The following SCFD2 variants were observed in gnomAD, a reference collection of about 807,000 sequenced individuals.
SCFD2 encodes sec1 family domain-containing protein 2.
SCFD2 carries 54 observed loss-of-function variants against 58.9 expected under a neutral mutation model. That is an observed-to-expected ratio of 0.92 (90% confidence interval 0.74 to 1.15). SCFD2 has a LOEUF of 1.15. Among genes scored for constraint, SCFD2 ranks in the 50% most tolerant of loss-of-function variants. The pLI is 0.00. For missense variants in SCFD2, 805 were observed against 836.6 expected (o/e 0.96, Z 0.47); for synonymous variants, 321 against 335.9 (o/e 0.96, Z 0.49).
At chr4:53,296,354 G>C (rs1164619554) in intron 3 of SCFD2, among the ~76,000 whole-genome samples, 1 of 152,048 alleles carries the variant, frequency 6.6e-6, no homozygotes, top group Non-Finnish European at 1.5e-5. Context: ...CTTCTTCCTG[G>C]TTTAGTCTTG....
chr4:53,000,037 C>T (rs1054047303), intron 5 of SCFD2, among the ~76,000 whole-genome samples: 3 of 152,214 alleles, frequency 2.0e-5, no homozygotes, highest in Non-Finnish European at 2.9e-5. Context: ...AATCTTTGCA[C>T]TCCTGTCCAG....
chr4:53,187,768 A>T lies in SCFD2; in HGVS notation c.1312-42186T>A, dbSNP rs1225333769. On this transcript the variant is annotated intron_variant, in intron 4 of 8. Coordinates refer to ENST00000401642, the MANE Select transcript of SCFD2 (RefSeq NM_152540.4). ...ACAAGAAAGATCTGAAAGGAAAGAT[A>T]TCAAAATGCTAACACTGATTATCTC... Among the ~76,000 whole-genome samples the T allele has an allele frequency of 2.0e-5, 3 of 152,146 alleles. No homozygotes were observed. In the East Asian group the frequency reaches 5.8e-4, roughly 29 times the overall value.
intron 2 of SCFD2, among the ~76,000 whole-genome samples, chr4:53,327,955 C>G (rs779339006): frequency 3.9e-5 from 6 of 151,940 alleles, no homozygotes; most frequent in South Asian, 4.2e-4. Flanking sequence ...ACAGTGAAAC[C>G]CTGTCTCTAC....
chr4:53,221,741 A>G (rs2148995596), intron 4 of SCFD2, among the ~76,000 whole-genome samples: 1 of 152,362 alleles, frequency 6.6e-6, no homozygotes, highest in Middle Eastern at 3.4e-3. Flanking sequence ...ACAGGAGACA[A>G]ATTGCAAACT....
At chr4:53,333,454 C>A (rs1414063208) in intron 2 of SCFD2, among the ~76,000 whole-genome samples, 1 of 140,930 alleles carries the variant, frequency 7.1e-6, no homozygotes, top group Non-Finnish European at 1.5e-5. Context: ...CGCATATCTA[C>A]AACTATCTGA....
intron 5 of SCFD2, among the ~76,000 whole-genome samples, chr4:53,074,558 G>A (rs1212718881): frequency 6.6e-6 from 1 of 152,114 alleles, no homozygotes; most frequent in Non-Finnish European, 1.5e-5. Flanking sequence ...CTTAAAAAAT[G>A]TATTTCTTAA....
chr4:53,090,952 C>T (rs922814079), intron 5 of SCFD2, among the ~76,000 whole-genome samples: 1 of 152,138 alleles, frequency 6.6e-6, no homozygotes, highest in Non-Finnish European at 1.5e-5. Context: ...ACAGGTCTGC[C>T]TAACCACTGA....
At chr4:53,043,457 G>C (rs982190105) in intron 5 of SCFD2, among the ~76,000 whole-genome samples, 1 of 152,202 alleles carries the variant, frequency 6.6e-6, no homozygotes, top group Non-Finnish European at 1.5e-5. Flanking sequence ...TGGTGACCAT[G>C]TTGCTGTGAA....
intron 5 of SCFD2, among the ~76,000 whole-genome samples, chr4:53,051,370 C>A (rs1449714876): frequency 2.0e-5 from 3 of 152,036 alleles, no homozygotes; most frequent in African/African-American, 7.2e-5. Context: ...GGCCTGTATG[C>A]AGAAGTGAAA....
At position 53,328,830 on chromosome 4, in the gene SCFD2, G is replaced by C. The variant is rs530165702; in HGVS notation, c.1008-15067C>G. Among the ~76,000 whole-genome samples, 20 of 152,356 alleles carry C rather than the reference G, an allele frequency of 1.3e-4. No homozygotes were observed. In the East Asian group the frequency reaches 3.5e-3, roughly 26 times the overall value. On this transcript the variant is annotated intron_variant, in intron 2 of 8. Coordinates refer to ENST00000401642, the MANE Select transcript of SCFD2 (RefSeq NM_152540.4). ...GGTGATTTCTGCATTTCCATCTGAGGTACCAGGTTCATCTCACTAGGGAGT... is the reference window on the plus strand; with the variant it reads ...GGTGATTTCTGCATTTCCATCTGAGCTACCAGGTTCATCTCACTAGGGAGT...
At chr4:53,160,892 G>C (rs1173560152) in intron 4 of SCFD2, among the ~76,000 whole-genome samples, 2 of 152,166 alleles carry the variant, frequency 1.3e-5, no homozygotes, top group Non-Finnish European at 2.9e-5. Context: ...AGTCCTTGAG[G>C]AAGTGAAAAC....
intron 5 of SCFD2, among the ~76,000 whole-genome samples, chr4:52,945,278 C>T (rs886704471): frequency 2.0e-5 from 3 of 152,066 alleles, no homozygotes; most frequent in Non-Finnish European, 2.9e-5. Context: ...AGATCACATT[C>T]GTATGCTATA....
chr4:52,973,856 G>A (rs1721177440), intron 5 of SCFD2, among the ~76,000 whole-genome samples: 1 of 152,206 alleles, frequency 6.6e-6, no homozygotes, highest in Admixed American at 6.5e-5. Flanking sequence ...ATGCAAGGCT[G>A]CTTCATCATA....
At chr4:53,209,970 T>A (rs949366915) in intron 4 of SCFD2, among the ~76,000 whole-genome samples, 4 of 152,160 alleles carry the variant, frequency 2.6e-5, no homozygotes, top group African/African-American at 4.8e-5. Flanking sequence ...AATCTTTCTA[T>A]GATTCTCTCT....
At chr4:53,167,604 C>T (rs374567924) in intron 4 of SCFD2, among the ~76,000 whole-genome samples, 2 of 152,018 alleles carry the variant, frequency 1.3e-5, no homozygotes, top group East Asian at 1.9e-4. Flanking sequence ...TGAGATAGTC[C>T]GTATATATAA....
At chr4:52,998,763 G>C (rs925068799) in intron 5 of SCFD2, among the ~76,000 whole-genome samples, 1 of 152,094 alleles carries the variant, frequency 6.6e-6, no homozygotes, top group African/African-American at 2.4e-5. Flanking sequence ...CAAGAGTGAT[G>C]CTTCAAAATA....
At chr4:53,224,129 G>A (rs6554075) in intron 4 of SCFD2, among the ~76,000 whole-genome samples, 65,426 of 151,956 alleles carry the variant, frequency 0.43, 15,552 homozygotes, top group Admixed American at 0.52. Flanking sequence ...AGTGATTCAC[G>A]CCTGTAATCC....
At chr4:52,952,461 G>C (rs1440060746) in intron 5 of SCFD2, among the ~76,000 whole-genome samples, 1 of 152,116 alleles carries the variant, frequency 6.6e-6, no homozygotes, top group East Asian at 1.9e-4. Flanking sequence ...AAGGCTGACA[G>C]CTCCTGAGAG....
intron 5 of SCFD2, among the ~76,000 whole-genome samples, chr4:53,047,383 G>A (rs188269306): frequency 3.2e-4 from 48 of 152,310 alleles, no homozygotes; most frequent in Non-Finnish European, 5.1e-4. Context: ...ATGAGGTCGA[G>A]GTGGCAGTGA....
Sources: gnomAD v4.1 joint callset for allele counts (sites outside exome capture counted in the v4.1 genomes callset) on GRCh38, gnomAD v4.1.1 for gene constraint, MANE v1.5 for transcripts, NCBI Gene and HGNC (gene_info 2026-07-23, HGNC 2026-07-21) for gene names.